Variants in FREM1 observed in about 807,000 individuals in gnomAD.
FREM1 encodes the protein FRAS1 related extracellular matrix 1, also known as FRAS1-related extracellular matrix protein 1.
In FREM1, 220 loss-of-function variants were observed where a neutral mutation model predicts 210.1. The observed-to-expected ratio is 1.05, with a 90% CI of 0.94 to 1.17. The LOEUF is 1.17. Among genes scored for constraint, FREM1 ranks in the 50% most tolerant of loss-of-function variants. The pLI is 0.00. For missense variants in FREM1, 3,454 were observed against 2,675.5 expected (o/e 1.29, Z -6.42); for synonymous variants, 1,189 against 980.2 (o/e 1.21, Z -3.98).
At chr9:14,813,136 G>T in intron 15 of FREM1, 72 bp from the exon 16 acceptor site, 4 of 1,444,536 alleles carry the variant, frequency 2.8e-6, no homozygotes, top group Non-Finnish European at 3.8e-6. Context: ...GTAATCCATT[G>T]CTCATAGTCA....
intron 8 of FREM1, among the ~76,000 whole-genome samples, chr9:14,844,461 G>A (rs1224226363): frequency 6.6e-6 from 1 of 152,116 alleles, no homozygotes; most frequent in Non-Finnish European, 1.5e-5. Context: ...CTGACCTCAA[G>A]TGATCTGCCG....
At chr9:14,801,215 G>A (rs978776141) in intron 20 of FREM1, among the ~76,000 whole-genome samples, 19 of 152,088 alleles carry the variant, frequency 1.2e-4, no homozygotes, top group African/African-American at 4.1e-4. Context: ...CCAGGCTGGT[G>A]TCAAATTCCT....
chr9:14,755,333 T>G (rs912609990), intron 29 of FREM1, among the ~76,000 whole-genome samples: 1 of 152,246 alleles, frequency 6.6e-6, no homozygotes, highest in Non-Finnish European at 1.5e-5. Flanking sequence ...TAGGCCATTT[T>G]CTTTTGCCTT....
rs1287173240 is a variant in FREM1 at position 14,747,483 on chromosome 9, A to C, written c.5845-55T>G. The stretch of plus-strand genomic sequence containing the variant: ...AGGAAAAAACAAACATCAAGATAGC[A>C]AACAAAAAAATGAGCAATTCAAAAA... On this transcript the variant is annotated intron_variant, in intron 32 of 36. Transcript: ENST00000380880. The C allele has an allele frequency of 3.9e-6, 6 of 1,534,920 alleles. No homozygotes were observed. The East Asian group carries it at 1.1e-4, about 29-fold the overall frequency.
At chr9:14,844,894 T>C (rs12339077) in intron 8 of FREM1, among the ~76,000 whole-genome samples, 4,647 of 152,298 alleles carry the variant, frequency 0.031, 244 homozygotes, top group African/African-American at 0.11. Context: ...ATAACTAATT[T>C]TCAAGCCACT....
At chr9:14,744,202 A>G (rs1425450620) in intron 35 of FREM1, among the ~76,000 whole-genome samples, 1 of 152,152 alleles carries the variant, frequency 6.6e-6, no homozygotes, top group African/African-American at 2.4e-5. Flanking sequence ...TGGTTTAACT[A>G]GTTTTTGAAC....
rs1326121631 is a variant in FREM1 at position 14,737,346 on chromosome 9, GAATA to G, written c.*46_*49del. ...ATGGAGCAATATTCACAGATCCTGTGAATAAATAGGTGACAAACTCCAGGTGGCC... is the reference window on the plus strand; with the variant it reads ...ATGGAGCAATATTCACAGATCCTGTGAATAGGTGACAAACTCCAGGTGGCC... On this transcript the variant is annotated 3_prime_UTR_variant, in exon 37 of 37. Transcript: ENST00000380880. 6 of 1,406,642 alleles carry G rather than the reference GAATA, an allele frequency of 4.3e-6. No individual in the cohort carries two copies. The highest frequency in any genetic ancestry group is 6.0e-6 in the Non-Finnish European group (6 of 1,005,872). 87.1% of individuals were successfully genotyped at this position (1,406,642 alleles called of 1,614,324 possible). A position where few individuals can be genotyped will look rare whatever the true frequency, so the allele number is the denominator to read the frequency against.
intron 22 of FREM1, among the ~76,000 whole-genome samples, chr9:14,790,367 C>T (rs1055914213): frequency 2.0e-5 from 3 of 152,142 alleles, no homozygotes; most frequent in African/African-American, 7.2e-5. Context: ...TGCCCTCACG[C>T]TCACTGGATG....
chr9:14,869,091 C>T lies in FREM1; in HGVS notation c.-114G>A. 1.6e-6 allele frequency: 1 copy of T among 645,156 alleles called. No homozygotes were observed. Among genetic ancestry groups the T allele is most frequent in the Non-Finnish European group, 2.6e-6 (1 of 387,384 alleles). 40.0% of individuals were successfully genotyped at this position (645,156 alleles called of 1,614,324 possible). The stretch of plus-strand genomic sequence containing the variant: ...TAGTCCAAGGGGCAGGGTGAGGGGT[C>T]CTGACAATGTGCCCCGAGATCTTAA... On this transcript the variant is annotated 5_prime_UTR_variant, in exon 2 of 37. Transcript: ENST00000380880.
chr9:14,874,843 G>T (rs1249482443), intron 1 of FREM1, among the ~76,000 whole-genome samples: 2 of 152,144 alleles, frequency 1.3e-5, no homozygotes, highest in African/African-American at 4.8e-5. Flanking sequence ...TCCTTCAGGA[G>T]CTCTTTTAGG....
At chr9:14,843,016 G>A (rs1564056789) in intron 8 of FREM1, among the ~76,000 whole-genome samples, 1 of 152,192 alleles carries the variant, frequency 6.6e-6, no homozygotes, top group East Asian at 1.9e-4. Flanking sequence ...GTGAAGCAGT[G>A]TTTCTTGAAG....
chr9:14,754,120 C>A (rs1448889229), intron 29 of FREM1, among the ~76,000 whole-genome samples: 4 of 152,180 alleles, frequency 2.6e-5, no homozygotes, highest in Non-Finnish European at 4.4e-5. Context: ...AACCTACTAG[C>A]AGCCAAAATT....
chr9:14,743,458 C>T (rs528783421), intron 35 of FREM1, among the ~76,000 whole-genome samples: 99 of 152,094 alleles, frequency 6.5e-4, no homozygotes, highest in African/African-American at 2.2e-3. Context: ...AAAAGCTAGA[C>T]TATTATAATC....
chr9:14,842,235 A>G, intron 9 of FREM1, 81 bp downstream of exon 9: 1 of 874,592 alleles, frequency 1.1e-6, no homozygotes, highest in Non-Finnish European at 1.8e-6. Context: ...ACACAATTTC[A>G]GCAAACCCAG....
At chr9:14,905,186 T>C (rs1414681539) in intron 1 of FREM1, among the ~76,000 whole-genome samples, 1 of 152,202 alleles carries the variant, frequency 6.6e-6, no homozygotes, top group Non-Finnish European at 1.5e-5. Context: ...TTAGTGCTGA[T>C]CATTGAATCT....
At position 14,777,529 on chromosome 9, in the gene FREM1, T is replaced by C. The variant is rs547668123; in HGVS notation, c.4443-1326A>G. ...GGAAATATTCGTAGAGGATGCACTC[T>C]TCTATTCCACCGATACAAAAACCTC... is the stretch of plus-strand genomic sequence containing the variant. On this transcript the variant is annotated intron_variant, in intron 24 of 36. Coordinates refer to ENST00000380880, the MANE Select transcript of FREM1 (RefSeq NM_001379081.2). Among the ~76,000 whole-genome samples, 3 of 152,332 alleles carry C rather than the reference T, an allele frequency of 2.0e-5. No homozygotes were observed. The East Asian group carries it at 5.8e-4, about 29-fold the overall frequency.
intron 7 of FREM1, 21 bp from the exon 8 acceptor site, chr9:14,846,112 G>T (rs778682579): frequency 1.3e-6 from 2 of 1,550,390 alleles, no homozygotes; most frequent in Non-Finnish European, 8.7e-7. Context: ...AAGGAGAAAA[G>T]GGTGTTGGTA....
chr9:14,872,806 T>A (rs1055346017), intron 1 of FREM1, among the ~76,000 whole-genome samples: 15 of 152,010 alleles, frequency 9.9e-5, no homozygotes, highest in Non-Finnish European at 1.8e-4. Flanking sequence ...GCTGTGGGTT[T>A]GTCATAGATA....
intron 35 of FREM1, among the ~76,000 whole-genome samples, chr9:14,742,529 G>A (rs545180926): frequency 1.3e-5 from 2 of 152,230 alleles, no homozygotes; most frequent in Admixed American, 1.3e-4. Context: ...TAAAGATTAA[G>A]TTGAGTTAGC....
Sources: allele counts gnomAD v4.1 joint callset (sites outside exome capture counted in the v4.1 genomes callset), GRCh38; gene constraint gnomAD v4.1.1; transcripts MANE v1.5; gene names NCBI Gene and HGNC (gene_info 2026-07-23, HGNC 2026-07-21).